The following LRP1B variants were observed in gnomAD, a reference collection of about 807,000 sequenced individuals.
The protein encoded by LRP1B is LDL receptor related protein 1B.
A neutral mutation model predicts 556.6 loss-of-function variants in LRP1B; 217 were observed. That is an observed-to-expected ratio of 0.39 (90% CI 0.35 to 0.44). The LOEUF is 0.44. LRP1B is among the 20% of genes least tolerant of loss of function. The probability of loss-of-function intolerance (pLI) is 1.00; values close to 1 mark genes in which losing one functional copy is unlikely to be tolerated. For synonymous variants in LRP1B, 2,047 were observed against 1,865.8 expected, an observed-to-expected ratio of 1.10 and a Z score of -2.50; for missense variants, 5,053 against 5,620.8, an observed-to-expected ratio of 0.90 and a Z score of 3.23.
intron 43 of LRP1B, among the ~76,000 whole-genome samples, chr2:140,582,376 CTGATA>C (rs1681803858): frequency 6.6e-6 from 1 of 152,150 alleles, no homozygotes; most frequent in Non-Finnish European, 1.5e-5. Flanking sequence ...TCTACCTCTT[CTGATA>C]TGTCATTGAC....
chr2:141,957,209 T>G (rs1701277364), intron 1 of LRP1B, among the ~76,000 whole-genome samples: 1 of 152,012 alleles, frequency 6.6e-6, no homozygotes, highest in African/African-American at 2.4e-5. Flanking sequence ...TGGGCTTGGT[T>G]TGAATGACGA....
intron 2 of LRP1B, among the ~76,000 whole-genome samples, chr2:141,564,255 T>C (rs1686257711): frequency 6.6e-6 from 1 of 152,072 alleles, no homozygotes; most frequent in African/African-American, 2.4e-5. Flanking sequence ...AAGGCAATAA[T>C]GGCAGAAGAC....
chr2:141,152,764 T>A (rs532992021), intron 7 of LRP1B, among the ~76,000 whole-genome samples: 1 of 151,840 alleles, frequency 6.6e-6, no homozygotes, highest in Non-Finnish European at 1.5e-5. Context: ...TATCACATTA[T>A]CTTTAATGAA....
chr2:141,455,202 T>G (rs1435654186), intron 3 of LRP1B, among the ~76,000 whole-genome samples: 1 of 151,624 alleles, frequency 6.6e-6, no homozygotes, highest in Non-Finnish European at 1.5e-5. Context: ...TAATCAATTA[T>G]GGAATGAATC....
chr2:141,524,263 AAT>A (rs76874852), intron 2 of LRP1B, among the ~76,000 whole-genome samples: 11 of 148,062 alleles, frequency 7.4e-5, no homozygotes, highest in Admixed American at 2.7e-4. Context: ...ATAAGCAAAG[AAT>A]ATATATATAT....
At chr2:141,505,119 CT>C in intron 2 of LRP1B, among the ~76,000 whole-genome samples, 1 of 151,830 alleles carries the variant, frequency 6.6e-6, no homozygotes, top group East Asian at 1.9e-4. Context: ...CTCTCTCCCC[CT>C]CTCTCTCTTC....
At chr2:141,039,316 T>A (rs145175327) in intron 11 of LRP1B, among the ~76,000 whole-genome samples, 1 of 152,034 alleles carries the variant, frequency 6.6e-6, no homozygotes, top group African/African-American at 2.4e-5. Context: ...GTTGTTATAA[T>A]TGTTCTATTT....
At chr2:141,414,377 G>GAGGA (rs1418274235) in intron 3 of LRP1B, among the ~76,000 whole-genome samples, 1 of 41,946 alleles carries the variant, frequency 2.4e-5, no homozygotes, top group Non-Finnish European at 6.9e-5. Context: ...GGAAAGGAGG[G>GAGGA]AGGGAGGGAG....
At chr2:140,776,493 ATTC>A (rs1285843481) in intron 32 of LRP1B, among the ~76,000 whole-genome samples, 2 of 145,844 alleles carry the variant, frequency 1.4e-5, no homozygotes, top group Admixed American at 1.4e-4. Flanking sequence ...AATATATAAT[ATTC>A]TTATATTTTA....
At chr2:140,434,301 CTCAGGTGATCCATCCACT>C (rs538952249) in intron 66 of LRP1B, among the ~76,000 whole-genome samples, 36 of 152,146 alleles carry the variant, frequency 2.4e-4, no homozygotes, top group Admixed American at 2.0e-3. Flanking sequence ...AACTCCTGAC[CTCAGGTGATCCATCCACT>C]TCAGCCTCCC....
chr2:140,748,107 AT>A (rs1688381800), intron 35 of LRP1B, among the ~76,000 whole-genome samples: 6 of 90,622 alleles, frequency 6.6e-5, no homozygotes, highest in Non-Finnish European at 1.1e-4. Flanking sequence ...ATATATATAT[AT>A]ATATATATAT....
chr2:141,114,828 C>T (rs564870292), intron 7 of LRP1B, among the ~76,000 whole-genome samples: 3 of 151,984 alleles, frequency 2.0e-5, no homozygotes, highest in Non-Finnish European at 4.4e-5. Context: ...GTGGGTGCGT[C>T]CATATGTGCA....
intron 23 of LRP1B, among the ~76,000 whole-genome samples, chr2:140,889,755 C>A (rs998981677): frequency 1.3e-5 from 2 of 152,152 alleles, no homozygotes; most frequent in African/African-American, 2.4e-5. Context: ...GGAGGAGAAG[C>A]AATTTGACCC....
At chr2:140,518,892 T>G (rs1690033314) in intron 49 of LRP1B, among the ~76,000 whole-genome samples, 1 of 152,180 alleles carries the variant, frequency 6.6e-6, no homozygotes, top group Non-Finnish European at 1.5e-5. Context: ...ACAATTTGAC[T>G]TCCTCTTTTC....
intron 1 of LRP1B, among the ~76,000 whole-genome samples, chr2:141,867,195 T>C (rs1698439767): frequency 6.6e-6 from 1 of 152,062 alleles, no homozygotes; most frequent in Non-Finnish European, 1.5e-5. Flanking sequence ...TAAGACCCAG[T>C]GCCTGCAATA....
At chr2:141,344,073 TTA>T (rs1206830904) in intron 3 of LRP1B, among the ~76,000 whole-genome samples, 6 of 152,284 alleles carry the variant, frequency 3.9e-5, no homozygotes, top group Non-Finnish European at 8.8e-5. Context: ...ACATTGCCCT[TTA>T]TTACCCAGTG....
chr2:141,998,800 A>C (rs1037590281), intron 1 of LRP1B, among the ~76,000 whole-genome samples: 1 of 152,188 alleles, frequency 6.6e-6, no homozygotes, highest in Non-Finnish European at 1.5e-5. Context: ...CCTGGAATCA[A>C]TAGAAAGAAA....
In LRP1B at chr2:141,714,640, C is replaced by T. The variant is rs80027370; in HGVS notation, c.205+95639G>A. ...GTTGCTTCAGGCCTCAGACAAGTTG[C>T]TGTAGGCAGAGACTGTTAGAAACGC... On this transcript the variant is annotated intron_variant, in intron 2 of 90. Transcript: ENST00000389484. Among the ~76,000 whole-genome samples the T allele has an allele frequency of 9.0e-3, 1,377 of 152,178 alleles. 22 individuals are homozygous for T. Among genetic ancestry groups the T allele is most frequent in the African/African-American group, 0.031 (1,306 of 41,510 alleles).
At chr2:141,668,227 C>A (rs989428260) in intron 2 of LRP1B, among the ~76,000 whole-genome samples, 1 of 152,112 alleles carries the variant, frequency 6.6e-6, no homozygotes, top group African/African-American at 2.4e-5. Flanking sequence ...ATGTCCTCAC[C>A]CCTCTTCTAG....
Sources: allele counts gnomAD v4.1 joint callset (sites outside exome capture counted in the v4.1 genomes callset), GRCh38; gene constraint gnomAD v4.1.1; transcripts MANE v1.5; gene names NCBI Gene and HGNC (gene_info 2026-07-23, HGNC 2026-07-21).